The following GDF6 variants were observed in gnomAD, a reference collection of about 807,000 sequenced individuals.
GDF6 encodes the protein growth differentiation factor 6.
Under a neutral mutation model 32.4 loss-of-function variants are expected in GDF6, and 3 were observed. That is an observed-to-expected ratio of 0.09 (90% confidence interval 0.04 to 0.24). The LOEUF (loss-of-function observed/expected upper bound fraction) is 0.24, where lower values mean the gene tolerates loss of function less well. Ranked by LOEUF, GDF6 falls within the 10% of genes least tolerant of loss-of-function variation. The pLI is 1.00. For synonymous variants in GDF6, 296 were observed against 295.3 expected (o/e 1.00, Z -0.03); for missense variants, 589 against 637.9 (o/e 0.92, Z 0.83).
Position 96,145,667 on chromosome 8 carries a change from A to T in GDF6, c.407-143T>A, listed in dbSNP as rs1016475475. 1.1e-6 allele frequency: 1 copy of T among 945,006 alleles called. No homozygotes were observed. The highest frequency in any genetic ancestry group is 1.6e-6 in the Non-Finnish European group (1 of 625,530). The allele number at this position is 945,006 out of a possible 1,614,324, so 58.5% of individuals were successfully genotyped here. A position where few individuals can be genotyped will look rare whatever the true frequency, so the allele number is the denominator to read the frequency against. Reference sequence around the variant, plus strand: ...AGCTTGCCCGGCCCAGGGCCTGACCACCCCGGCTCCCCATCTGGCTGGTGC... The same window carrying T: ...AGCTTGCCCGGCCCAGGGCCTGACCTCCCCGGCTCCCCATCTGGCTGGTGC... On this transcript the variant is annotated intron_variant, in intron 1 of 1. Transcript: ENST00000287020. This position sits in a 1 kb window ranked among gnomAD's most constrained non-coding sequence, Gnocchi z 5.6.
chr8:96,144,943 C>G lies in GDF6; in HGVS notation c.988G>C (p.Gly330Arg), dbSNP rs1487849061. Reference sequence around the variant, plus strand: ...AAGGCCGTGCGCCGCCGCCGGCGGCCGGGCGAGGGCAGCCAAGGCCTGGCA... The same window carrying G: ...AAGGCCGTGCGCCGCCGCCGGCGGCGGGGCGAGGGCAGCCAAGGCCTGGCA... ...PDARPWLPSP[G>R]RRRRRTAFAS... The change falls in exon 2 of 2, where the codon GGC becomes CGC. Residue 330 changes from glycine (G) to arginine (R), a missense_variant. Physicochemically the swap from Gly to Arg is moderately radical, Grantham distance 125. Transcript: ENST00000287020. This position sits in a 1 kb window ranked among gnomAD's most constrained non-coding sequence, Gnocchi z 5.1. 1 of 1,564,134 alleles carries G rather than the reference C, an allele frequency of 6.4e-7. No homozygotes were observed. Among genetic ancestry groups the G allele is most frequent in the African/African-American group, 1.4e-5 (1 of 73,634 alleles).
rs1407023615 is a variant in GDF6 at position 96,144,916 on chromosome 8, C to A, written c.1015G>T (p.Ala339Ser). The A allele has an allele frequency of 1.9e-6, 3 of 1,608,530 alleles. No individual in the cohort carries two copies. The highest frequency in any genetic ancestry group is 1.3e-5 in the African/African-American group (1 of 74,734). ...CCGTGCCGCTTGCCATGGCGACTGG[C>A]GAAGGCCGTGCGCCGCCGCCGGCGG... Reference protein sequence around the residue: ...PGRRRRRTAFASRHGKRHGKK... With the variant: ...PGRRRRRTAFSSRHGKRHGKK... The change falls in exon 2 of 2, where the codon GCC becomes TCC. Residue 339 changes from alanine (A) to serine (S), a missense_variant. Ala to Ser is a moderately conservative substitution (Grantham distance 99). Transcript: ENST00000287020. The surrounding 1 kb of genome is among the most constrained non-coding windows in gnomAD (Gnocchi z 5.1).
At position 96,144,952 on chromosome 8, in the gene GDF6, G is replaced by C; in HGVS notation, c.979C>G (p.Pro327Ala). 1 of 1,549,478 alleles carries C rather than the reference G, an allele frequency of 6.5e-7. No homozygotes were observed. Among genetic ancestry groups the C allele is most frequent in the Non-Finnish European group, 8.7e-7 (1 of 1,148,626 alleles). ...CGCCGCCGCCGGCGGCCGGGCGAGG[G>C]CAGCCAAGGCCTGGCATCCGGGGCG... The part of the protein sequence containing the change: ...SGAPDARPWL[P>A]SPGRRRRRTA... The change falls in exon 2 of 2, where the codon CCC (proline) becomes GCC (alanine). Residue 327 changes from proline to alanine, a missense_variant. Pro to Ala is a conservative substitution (Grantham distance 27). This residue lies in a region of GDF6 where 153 missense variants were observed against 226.7 expected (regional missense o/e 0.67). Coordinates refer to ENST00000287020, the MANE Select transcript of GDF6 (RefSeq NM_001001557.4). This position sits in a 1 kb window ranked among gnomAD's most constrained non-coding sequence, Gnocchi z 5.1.
At chr8:96,146,576 C>T (rs1176996925) in intron 1 of GDF6, among the ~76,000 whole-genome samples, 2 of 152,090 alleles carry the variant, frequency 1.3e-5, no homozygotes, top group East Asian at 3.9e-4. Context: ...CAAACACACA[C>T]ACCTTGCATC....
In GDF6 at chr8:96,160,321, A is replaced by G; in HGVS notation, c.372T>C (p.Ala124=). ...NASFFQSSKS[A]NTITSFVDRG... is the part of the protein sequence containing the mutation. ...TGTCTACAAAGCTGGTGATCGTATT[A>G]GCCGACTTGGAAGACTGGAAAAAGC... Residue 124 remains alanine, a synonymous_variant, in exon 1 of 2, where the codon GCT becomes GCC. Transcript: ENST00000287020. The G allele has an allele frequency of 6.2e-7, 1 of 1,614,230 alleles. No individual in the cohort carries two copies. The highest frequency in any genetic ancestry group is 8.5e-7 in the Non-Finnish European group (1 of 1,180,042).
chr8:96,158,587 C>T (rs780146671), intron 1 of GDF6, among the ~76,000 whole-genome samples: 12 of 152,204 alleles, frequency 7.9e-5, no homozygotes, highest in Non-Finnish European at 1.6e-4. Flanking sequence ...CAGCCTAGGC[C>T]TCTGGGACTT....
intron 1 of GDF6, among the ~76,000 whole-genome samples, chr8:96,152,013 C>T (rs1184270068): frequency 1.3e-5 from 2 of 152,180 alleles, no homozygotes; most frequent in East Asian, 3.9e-4. Context: ...CTTACATCTT[C>T]TAGGGGAAGG....
chr8:96,145,589 G>A lies in GDF6; in HGVS notation c.407-65C>T. ...GGGGAGATCAGCCCGGTGCTCTTCGGCCGCCCCGGGAGGAAAAGGGCGGGG... is the reference window on the plus strand; with the variant it reads ...GGGGAGATCAGCCCGGTGCTCTTCGACCGCCCCGGGAGGAAAAGGGCGGGG... On this transcript the variant is annotated intron_variant, in intron 1 of 1. Transcript: ENST00000287020. This position sits in a 1 kb window ranked among gnomAD's most constrained non-coding sequence, Gnocchi z 5.6. The A allele has an allele frequency of 6.3e-7, 1 of 1,589,524 alleles. No individual in the cohort carries two copies.
chr8:96,158,799 G>A (rs773402888), intron 1 of GDF6, among the ~76,000 whole-genome samples: 15 of 152,230 alleles, frequency 9.9e-5, no homozygotes, highest in Non-Finnish European at 1.2e-4. Context: ...CTACGAAGAA[G>A]CCACATGTCT....
chr8:96,145,178 TC>T lies in GDF6; in HGVS notation c.752del (p.Gly251AspfsTer111). ...DAGEAEARAR[G>X]PQQPPPPDLR... ...GGTCCGGGGGCGGCGGTTGCTGGGG[TC>T]CCCGCGCGCGCGCCTCGGCCTCCCC... On this transcript the variant is annotated frameshift_variant, in exon 2 of 2. Coordinates refer to ENST00000287020, the MANE Select transcript of GDF6 (RefSeq NM_001001557.4). LOFTEE classifies it high-confidence loss of function. The surrounding 1 kb of genome is among the most constrained non-coding windows in gnomAD (Gnocchi z 5.6). The T allele has an allele frequency of 6.7e-7, 1 of 1,498,214 alleles. No individual in the cohort carries two copies. Among genetic ancestry groups the T allele is most frequent in the Non-Finnish European group, 8.8e-7 (1 of 1,131,492 alleles). The allele number at this position is 1,498,214 out of a possible 1,614,324, so 92.8% of individuals were successfully genotyped here. A position where few individuals can be genotyped will look rare whatever the true frequency, so the allele number is the denominator to read the frequency against.
chr8:96,157,396 G>A (rs927278768), intron 1 of GDF6, among the ~76,000 whole-genome samples: 1 of 152,138 alleles, frequency 6.6e-6, no homozygotes, highest in Non-Finnish European at 1.5e-5. Context: ...GGGTTTCCGG[G>A]GTAAGGAAGG....
At position 96,144,536 on chromosome 8, in the gene GDF6, C is replaced by T. The variant is rs897020711; in HGVS notation, c.*27G>A. 15 of 1,610,718 alleles carry T rather than the reference C, an allele frequency of 9.3e-6. No homozygotes were observed. The highest frequency in any genetic ancestry group is 2.2e-5 in the South Asian group (2 of 90,456). On this transcript the variant is annotated 3_prime_UTR_variant, in exon 2 of 2. Transcript: ENST00000287020. This position sits in a 1 kb window ranked among gnomAD's most constrained non-coding sequence, Gnocchi z 5.1. ...GGCGGACCTTGGCCCACCTTGGTTC[C>T]GGGCCAAGGCGGCGGGAAAGGCACC... is the stretch of plus-strand genomic sequence containing the variant.
chr8:96,153,648 G>C (rs1002321333), intron 1 of GDF6, among the ~76,000 whole-genome samples: 1 of 152,210 alleles, frequency 6.6e-6, no homozygotes, highest in Non-Finnish European at 1.5e-5. Context: ...AATATGATCG[G>C]GCTGCATGGC....
chr8:96,145,566 G>T lies in GDF6; in HGVS notation c.407-42C>A, dbSNP rs896514917. 3 of 1,596,610 alleles carry T rather than the reference G, an allele frequency of 1.9e-6. No homozygotes were observed. In the African/African-American group the frequency reaches 4.0e-5, roughly 21 times the overall value. ...AATTACAGTCAGTTTCACTTAAGGGGGAGATCAGCCCGGTGCTCTTCGGCC... is the reference window on the plus strand; with the variant it reads ...AATTACAGTCAGTTTCACTTAAGGGTGAGATCAGCCCGGTGCTCTTCGGCC... On this transcript the variant is annotated intron_variant, in intron 1 of 1. Transcript: ENST00000287020. The surrounding 1 kb of genome is among the most constrained non-coding windows in gnomAD (Gnocchi z 5.6).
rs995090868 is a variant in GDF6 at position 96,142,403 on chromosome 8, A to C, written c.*2160T>G. On this transcript the variant is annotated 3_prime_UTR_variant, in exon 2 of 2. Coordinates refer to ENST00000287020, the MANE Select transcript of GDF6 (RefSeq NM_001001557.4). ...CATCCAGGAAAGGTGTACTGTAAAA[A>C]ATGTTTTGATTATTCATTGACCTCT... The C allele has an allele frequency of 2.0e-5, 3 of 152,222 alleles. No individual in the cohort carries two copies. The highest frequency in any genetic ancestry group is 1.9e-4 in the East Asian group (1 of 5,200). The allele number at this position is 152,222 out of a possible 1,614,324, so 9.4% of individuals were successfully genotyped here.
At chr8:96,153,438 G>A (rs981552640) in intron 1 of GDF6, among the ~76,000 whole-genome samples, 2 of 152,174 alleles carry the variant, frequency 1.3e-5, no homozygotes, top group African/African-American at 4.8e-5. Flanking sequence ...TTCCCGCGCT[G>A]AGCCCTCCCT....
In GDF6 at chr8:96,160,681, G is replaced by A; in HGVS notation, c.12C>T (p.Pro4=). Reference sequence around the variant, plus strand: ...GGAAGACGGCCGAGAGCAGGACCCTGGGAGTATCCATGGCGGGCAAGTGGC... The same window carrying A: ...GGAAGACGGCCGAGAGCAGGACCCTAGGAGTATCCATGGCGGGCAAGTGGC... MDT[P]RVLLSAVFLI... Residue 4 remains proline, a synonymous_variant, in exon 1 of 2, where the codon CCC becomes CCT. Transcript: ENST00000287020. 6.2e-7 allele frequency: 1 copy of A among 1,613,520 alleles called. No homozygotes were observed. The highest frequency in any genetic ancestry group is 8.5e-7 in the Non-Finnish European group (1 of 1,179,584).
chr8:96,145,533 T>G lies in GDF6; in HGVS notation c.407-9A>C. Reference sequence around the variant, plus strand: ...AGTGTGCGAGAGATCGTCTGCGAGATAAAAAATAATTACAGTCAGTTTCAC... The same window carrying G: ...AGTGTGCGAGAGATCGTCTGCGAGAGAAAAAATAATTACAGTCAGTTTCAC... On this transcript the variant is annotated splice_polypyrimidine_tract_variant and intron_variant, in intron 1 of 1. Transcript: ENST00000287020. The surrounding 1 kb of genome is among the most constrained non-coding windows in gnomAD (Gnocchi z 5.6). 2 of 1,597,646 alleles carry G rather than the reference T, an allele frequency of 1.3e-6. No homozygotes were observed. The highest frequency in any genetic ancestry group is 1.7e-6 in the Non-Finnish European group (2 of 1,179,576).
rs200531225 is a variant in GDF6 at position 96,144,242 on chromosome 8, AATAG to A, written c.*317_*320del. The stretch of plus-strand genomic sequence containing the variant: ...ACATAAGGAAATCCAAAGCCACAGT[AATAG>A]AGAGAGAGAGAGAGAGAGAGAGAGA... On this transcript the variant is annotated 3_prime_UTR_variant, in exon 2 of 2. Coordinates refer to ENST00000287020, the MANE Select transcript of GDF6 (RefSeq NM_001001557.4). The surrounding 1 kb of genome is among the most constrained non-coding windows in gnomAD (Gnocchi z 5.1). 237 of 190,098 alleles carry A rather than the reference AATAG, an allele frequency of 1.2e-3. 5 individuals carry two copies. Among genetic ancestry groups the A allele is most frequent in the African/African-American group, 0.012 (206 of 17,480 alleles). 11.8% of individuals were successfully genotyped at this position (190,098 alleles called of 1,614,324 possible).
Sources: gnomAD v4.1 joint callset for allele counts (sites outside exome capture counted in the v4.1 genomes callset) on GRCh38, gnomAD v4.1.1 for gene constraint, gnomAD v4.1.1 regional missense constraint, Gnocchi (gnomAD v3.1) non-coding constraint, MANE v1.5 for transcripts, NCBI Gene and HGNC (gene_info 2026-07-23, HGNC 2026-07-21) for gene names.